Variants in FBXL17 observed in about 807,000 individuals in gnomAD.
FBXL17 encodes F-box/LRR-repeat protein 17.
FBXL17 carries 22 observed loss-of-function variants against 66.2 expected under a neutral mutation model. The observed-to-expected ratio is 0.33, with a 90% CI of 0.24 to 0.47. The LOEUF (loss-of-function observed/expected upper bound fraction) is 0.47, where lower values mean the gene tolerates loss of function less well. FBXL17 is among the 20% of genes least tolerant of loss of function. FBXL17 has a pLI of 1.00. For synonymous variants in FBXL17, 474 were observed against 400.5 expected, an observed-to-expected ratio of 1.18 and a Z score of -2.19; for missense variants, 878 against 948.2, an observed-to-expected ratio of 0.93 and a Z score of 0.97.
intron 1 of FBXL17, among the ~76,000 whole-genome samples, chr5:108,380,230 T>C (rs1278062004): frequency 1.3e-5 from 2 of 152,298 alleles, no homozygotes; most frequent in African/African-American, 2.4e-5. Context: ...ATATTATATA[T>C]ATAAAGTCTG....
chr5:108,075,096 G>C (rs1389009988), intron 6 of FBXL17, among the ~76,000 whole-genome samples: 1 of 152,088 alleles, frequency 6.6e-6, no homozygotes, highest in African/African-American at 2.4e-5. Flanking sequence ...CCTTCCAGCT[G>C]TGCATGTTTT....
At chr5:108,300,224 G>T (rs1469137512) in intron 4 of FBXL17, among the ~76,000 whole-genome samples, 4 of 151,744 alleles carry the variant, frequency 2.6e-5, no homozygotes, top group Non-Finnish European at 5.9e-5. Flanking sequence ...CCATTTACTT[G>T]ATTAAAAAAT....
intron 4 of FBXL17, among the ~76,000 whole-genome samples, chr5:108,257,445 T>C (rs1756623729): frequency 1.3e-5 from 2 of 152,238 alleles, no homozygotes; most frequent in African/African-American, 4.8e-5. Flanking sequence ...AAAGGGAGGA[T>C]CTTTAGGGTA....
chr5:108,374,628 A>G (rs1749295609), intron 1 of FBXL17, among the ~76,000 whole-genome samples: 1 of 152,096 alleles, frequency 6.6e-6, no homozygotes, highest in Non-Finnish European at 1.5e-5. Flanking sequence ...GTGAGCCATG[A>G]TCACACCACT....
intron 4 of FBXL17, among the ~76,000 whole-genome samples, chr5:108,252,826 T>C (rs1191978565): frequency 1.3e-5 from 2 of 152,214 alleles, no homozygotes; most frequent in African/African-American, 2.4e-5. Context: ...TAAAAGGTAC[T>C]GCTGCCATTC....
At chr5:108,294,505 T>C (rs1383197238) in intron 4 of FBXL17, among the ~76,000 whole-genome samples, 4 of 151,994 alleles carry the variant, frequency 2.6e-5, no homozygotes, top group East Asian at 1.9e-4. Flanking sequence ...TTATGAATTT[T>C]TGAGGAGAAC....
At chr5:108,013,358 T>C (rs1433844281) in intron 7 of FBXL17, among the ~76,000 whole-genome samples, 1 of 152,234 alleles carries the variant, frequency 6.6e-6, no homozygotes, top group African/African-American at 2.4e-5. Context: ...CGTGTTTGCA[T>C]GTAATCACTT....
intron 6 of FBXL17, among the ~76,000 whole-genome samples, chr5:108,107,099 T>G (rs1281786263): frequency 2.6e-5 from 4 of 152,056 alleles, no homozygotes; most frequent in Non-Finnish European, 5.9e-5. Context: ...TGAGACAGAG[T>G]CTCACTCTGT....
At chr5:108,070,205 A>G (rs2112861126) in intron 6 of FBXL17, among the ~76,000 whole-genome samples, 2 of 152,330 alleles carry the variant, frequency 1.3e-5, no homozygotes, top group African/African-American at 4.8e-5. Flanking sequence ...CTAATTCTAC[A>G]AAAGATCCAC....
intron 6 of FBXL17, among the ~76,000 whole-genome samples, chr5:108,107,680 C>T (rs34693675): frequency 1.4e-3 from 219 of 151,662 alleles, no homozygotes; most frequent in Non-Finnish European, 2.2e-3. Context: ...GGCATGGTGG[C>T]GGGCACCTGT....
chr5:108,261,393 T>C (rs1283623878), intron 4 of FBXL17, among the ~76,000 whole-genome samples: 4 of 152,086 alleles, frequency 2.6e-5, no homozygotes, highest in African/African-American at 9.7e-5. Context: ...CCATGGCATA[T>C]TATGGGTATG....
intron 6 of FBXL17, among the ~76,000 whole-genome samples, chr5:108,150,918 A>G (rs1242975212): frequency 1.3e-5 from 2 of 152,218 alleles, no homozygotes; most frequent in Non-Finnish European, 2.9e-5. Context: ...CTACAAAATT[A>G]TCTTTTCCAC....
chr5:108,310,684 T>G (rs1235518382), intron 4 of FBXL17, among the ~76,000 whole-genome samples: 3 of 152,202 alleles, frequency 2.0e-5, no homozygotes, highest in Non-Finnish European at 4.4e-5. Context: ...TTATGTATGT[T>G]AGGAAATCTG....
At chr5:108,221,313 C>T (rs1754854148) in intron 5 of FBXL17, among the ~76,000 whole-genome samples, 1 of 152,070 alleles carries the variant, frequency 6.6e-6, no homozygotes, top group South Asian at 2.1e-4. Flanking sequence ...GTCACAAATC[C>T]CCAATTTTCC....
chr5:107,986,454 T>C (rs1753015968), intron 7 of FBXL17, among the ~76,000 whole-genome samples: 1 of 151,686 alleles, frequency 6.6e-6, no homozygotes, highest in South Asian at 2.1e-4. Flanking sequence ...CAGCAATTTA[T>C]ATTAATATAT....
intron 6 of FBXL17, among the ~76,000 whole-genome samples, chr5:108,070,311 T>C (rs542173486): frequency 6.6e-6 from 1 of 152,342 alleles, no homozygotes. Flanking sequence ...AAAACCACTG[T>C]TAGGTTCAGA....
At chr5:108,282,347 CA>C (rs1757733817) in intron 4 of FBXL17, among the ~76,000 whole-genome samples, 1 of 151,796 alleles carries the variant, frequency 6.6e-6, no homozygotes, top group African/African-American at 2.4e-5. Flanking sequence ...ATCAGGTATG[CA>C]AGGATGGTTC....
chr5:108,268,386 A>T (rs1476689361), intron 4 of FBXL17, among the ~76,000 whole-genome samples: 1 of 152,068 alleles, frequency 6.6e-6, no homozygotes, highest in Non-Finnish European at 1.5e-5. Flanking sequence ...ATCTCAAAGT[A>T]TAAGATTTAA....
intron 7 of FBXL17, among the ~76,000 whole-genome samples, chr5:107,945,154 C>T (rs1208579561): frequency 6.6e-6 from 1 of 151,970 alleles, no homozygotes; most frequent in African/African-American, 2.4e-5. Flanking sequence ...ATACACATAC[C>T]TAAAAAGGCT....
Sources: gnomAD v4.1 joint callset for allele counts (sites outside exome capture counted in the v4.1 genomes callset) on GRCh38, gnomAD v4.1.1 for gene constraint, MANE v1.5 for transcripts, NCBI Gene and HGNC (gene_info 2026-07-23, HGNC 2026-07-21) for gene names.